Variants in ZC3HAV1 observed in about 807,000 individuals in gnomAD.
The protein encoded by ZC3HAV1 is zinc finger CCCH-type antiviral protein 1.
In ZC3HAV1, 41 loss-of-function variants were observed where a neutral mutation model predicts 86.6. That is an observed-to-expected ratio of 0.47 (90% CI 0.37 to 0.61). The LOEUF (loss-of-function observed/expected upper bound fraction) is 0.61, where lower values mean the gene tolerates loss of function less well. ZC3HAV1 is among the 20% of genes least tolerant of loss of function. The pLI, the probability that ZC3HAV1 is intolerant of heterozygous loss-of-function variation, is 0.00. For missense variants in ZC3HAV1, 964 were observed against 1,141.1 expected, an observed-to-expected ratio of 0.84 and a Z score of 2.24; for synonymous variants, 421 against 432.1, an observed-to-expected ratio of 0.97 and a Z score of 0.32.
chr7:139,059,831 A>C (rs1467452354), intron 9 of ZC3HAV1, among the ~76,000 whole-genome samples: 1 of 152,230 alleles, frequency 6.6e-6, no homozygotes, highest in African/African-American at 2.4e-5. Context: ...GGGAATAAAA[A>C]TAATAATAAC....
chr7:139,087,995 GCACTACAGC>G (rs559046022), intron 2 of ZC3HAV1, among the ~76,000 whole-genome samples: 15 of 125,702 alleles, frequency 1.2e-4, no homozygotes, highest in African/African-American at 4.7e-4. Context: ...TCATGTCATT[GCACTACAGC>G]CCGGGTGACA....
At chr7:139,058,623 G>C (rs1166031695) in intron 9 of ZC3HAV1, among the ~76,000 whole-genome samples, 1 of 152,150 alleles carries the variant, frequency 6.6e-6, no homozygotes, top group African/African-American at 2.4e-5. Flanking sequence ...TCGAGTGTTG[G>C]AGAATTGGAG....
At position 139,089,157 on chromosome 7, in the gene ZC3HAV1, G is replaced by T. The variant is rs555175908; in HGVS notation, c.444+467C>A. ...GTGGCAGGCCAGATTTGGCCTCTGG[G>T]TTATAGATTGCTGACCCCTGACCTA... On this transcript the variant is annotated intron_variant, in intron 2 of 12. Coordinates refer to ENST00000242351, the MANE Select transcript of ZC3HAV1 (RefSeq NM_020119.4). 1.3e-3 allele frequency among the ~76,000 whole-genome samples: 199 copies of T among 150,772 alleles called. 1 individual carries two copies. Among genetic ancestry groups the T allele is most frequent in the Non-Finnish European group, 2.1e-3 (142 of 67,816 alleles).
chr7:139,097,416 A>ATTTTTTT (rs1368279713), intron 1 of ZC3HAV1, among the ~76,000 whole-genome samples: 4 of 77,178 alleles, frequency 5.2e-5, no homozygotes, highest in African/African-American at 7.9e-5. Context: ...ATATATATAT[A>ATTTTTTT]TATATATATA....
At chr7:139,091,828 A>G (rs1352337690) in intron 1 of ZC3HAV1, among the ~76,000 whole-genome samples, 1 of 152,000 alleles carries the variant, frequency 6.6e-6, no homozygotes, top group Non-Finnish European at 1.5e-5. Context: ...ACTTCCCACC[A>G]CAAGACAGGT....
chr7:139,054,175 C>A, intron 10 of ZC3HAV1, 80 bp from the exon 11 acceptor site: 1 of 1,370,158 alleles, frequency 7.3e-7, no homozygotes, highest in Non-Finnish European at 9.6e-7. Context: ...CCCCCTTATG[C>A]CATGAAGTAT....
intron 9 of ZC3HAV1, among the ~76,000 whole-genome samples, chr7:139,056,992 C>A (rs925409337): frequency 1.3e-5 from 2 of 152,032 alleles, no homozygotes; most frequent in South Asian, 2.1e-4. Flanking sequence ...TAGGAAGACA[C>A]CTAATATATA....
chr7:139,083,825 T>C lies in ZC3HAV1; in HGVS notation c.652A>G (p.Ile218Val), dbSNP rs770574459. 5.0e-6 allele frequency: 8 copies of C among 1,613,762 alleles called. No homozygotes were observed. The East Asian group carries it at 1.3e-4, about 27-fold the overall frequency. ...NPDVVQNIQDICNSKHMQKNP... is the reference protein window; with the variant it reads ...NPDVVQNIQDVCNSKHMQKNP... The stretch of plus-strand genomic sequence containing the variant: ...TTCTGCATGTGCTTGCTGTTGCAGA[T>C]GTCCTGGATGTTCTGGACCACGTCG... The change falls in exon 3 of 13, where the codon ATC becomes GTC. Residue 218 changes from isoleucine (I) to valine (V), a missense_variant. Ile to Val is a conservative substitution (Grantham distance 29). Coordinates refer to ENST00000242351, the MANE Select transcript of ZC3HAV1 (RefSeq NM_020119.4).
intron 2 of ZC3HAV1, among the ~76,000 whole-genome samples, chr7:139,084,732 G>C (rs1346415952): frequency 6.6e-6 from 1 of 152,206 alleles, no homozygotes; most frequent in African/African-American, 2.4e-5. Context: ...CAAAAACCAA[G>C]TTGTTAAGCA....
Position 139,109,059 on chromosome 7 carries a change from G to A in ZC3HAV1, c.273C>T (p.Asn91=), listed in dbSNP as rs757744954. ...GCGAATAGTTGCACCGGCCCAGCAA[G>A]TTGAGTTTGCAGAGATGCAGGTTAT... ...PCDNLHLCKL[N]LLGRCNYSQS... is the part of the protein sequence containing the mutation. The change falls in exon 1 of 13, where the codon AAC becomes AAT. Residue 91 remains asparagine (N), a synonymous_variant. Coordinates refer to ENST00000242351, the MANE Select transcript of ZC3HAV1 (RefSeq NM_020119.4). The A allele has an allele frequency of 2.5e-6, 4 of 1,585,216 alleles. No homozygotes were observed. Among genetic ancestry groups the A allele is most frequent in the Non-Finnish European group, 3.4e-6 (4 of 1,162,984 alleles).
chr7:139,093,232 G>A (rs527994264), intron 1 of ZC3HAV1, among the ~76,000 whole-genome samples: 5 of 152,104 alleles, frequency 3.3e-5, no homozygotes, highest in Non-Finnish European at 7.4e-5. Flanking sequence ...AACCCAAGCC[G>A]GAAAAATGAA....
At chr7:139,071,242 G>A (rs997639794) in intron 7 of ZC3HAV1, among the ~76,000 whole-genome samples, 1 of 151,686 alleles carries the variant, frequency 6.6e-6, no homozygotes, top group Non-Finnish European at 1.5e-5. Flanking sequence ...AATTACAGGT[G>A]CACGCCACCA....
chr7:139,047,923 T>C (rs1432864436), intron 12 of ZC3HAV1, 70 bp from the exon 13 acceptor site: 2 of 1,497,274 alleles, frequency 1.3e-6, no homozygotes, highest in Non-Finnish European at 9.0e-7. Flanking sequence ...AGATTTGTTA[T>C]ATACAGTCAG....
At chr7:139,103,667 A>G (rs1817842722) in intron 1 of ZC3HAV1, among the ~76,000 whole-genome samples, 1 of 152,240 alleles carries the variant, frequency 6.6e-6, no homozygotes, top group Admixed American at 6.5e-5. Context: ...GAGCACCAGG[A>G]AACACTTGCA....
intron 7 of ZC3HAV1, among the ~76,000 whole-genome samples, chr7:139,071,799 G>A (rs1816780810): frequency 6.6e-6 from 1 of 152,178 alleles, no homozygotes; most frequent in Non-Finnish European, 1.5e-5. Flanking sequence ...CTCTACTCTA[G>A]TTGGCTCGTT....
chr7:139,083,654 G>A, intron 3 of ZC3HAV1, 126 bp downstream of exon 3: 1 of 1,283,004 alleles, frequency 7.8e-7, no homozygotes, highest in Non-Finnish European at 1.0e-6. Flanking sequence ...TTGAACCTGG[G>A]AGGCAGAGGT....
chr7:139,096,168 C>A (rs917157770), intron 1 of ZC3HAV1, among the ~76,000 whole-genome samples: 2 of 152,142 alleles, frequency 1.3e-5, no homozygotes, highest in Admixed American at 1.3e-4. Flanking sequence ...GCATGCACCA[C>A]CACTCCCGGC....
At chr7:139,089,925 CTT>C (rs545127092) in intron 1 of ZC3HAV1, among the ~76,000 whole-genome samples, 166 bp from the exon 2 acceptor site, 1 of 151,406 alleles carries the variant, frequency 6.6e-6, no homozygotes, top group Non-Finnish European at 1.5e-5. Flanking sequence ...ATTTTTTTTA[CTT>C]TTTTTTTCTG....
At chr7:139,107,460 CGTATA>C in intron 1 of ZC3HAV1, among the ~76,000 whole-genome samples, 1 of 152,140 alleles carries the variant, frequency 6.6e-6, no homozygotes, top group Non-Finnish European at 1.5e-5. Context: ...TTTTATTACA[CGTATA>C]TTGGGGGTGA....
Sources: gnomAD v4.1 joint callset for allele counts (sites outside exome capture counted in the v4.1 genomes callset) on GRCh38, gnomAD v4.1.1 for gene constraint, MANE v1.5 for transcripts, NCBI Gene and HGNC (gene_info 2026-07-23, HGNC 2026-07-21) for gene names.